The following YIPF2 variants were observed in gnomAD, a reference collection of about 807,000 sequenced individuals.
YIPF2 encodes Yip1 domain family member 2.
YIPF2 carries 30 observed loss-of-function variants against 38.8 expected under a neutral mutation model. The observed-to-expected ratio is 0.77, with a 90% CI of 0.58 to 1.05. YIPF2 has a LOEUF of 1.05. YIPF2 is among the 50% of genes least tolerant of loss of function. The pLI is 0.00. For missense variants in YIPF2, 401 were observed against 409.7 expected, an observed-to-expected ratio of 0.98 and a Z score of 0.18; for synonymous variants, 194 against 183.8, an observed-to-expected ratio of 1.06 and a Z score of -0.45.
At chr19:10,925,648 G>C (rs1789101900) in intron 5 of YIPF2, 38 bp downstream of exon 5, 1 of 1,611,848 alleles carries the variant, frequency 6.2e-7, no homozygotes, top group Non-Finnish European at 8.5e-7. Flanking sequence ...CACTTGTTGA[G>C]TGATCCATCA....
At chr19:10,927,985 C>A in intron 2 of YIPF2, 26 bp from the exon 3 acceptor site, 1 of 1,586,524 alleles carries the variant, frequency 6.3e-7, no homozygotes, top group Non-Finnish European at 8.6e-7. Context: ...ATGGGACACA[C>A]GCACGTTTGA....
chr19:10,925,677 C>G lies in YIPF2; in HGVS notation c.367+9G>C, dbSNP rs760309210. 3.5e-5 allele frequency: 57 copies of G among 1,613,964 alleles called. No individual in the cohort carries two copies. The highest frequency in any genetic ancestry group is 4.7e-5 in the Non-Finnish European group (56 of 1,179,952). On this transcript the variant is annotated intron_variant, in intron 5 of 9. Coordinates refer to ENST00000586748, the MANE Select transcript of YIPF2 (RefSeq NM_001321439.2). ...TCCATCAAGGAACCAAATGCACAACCTCACTCACCATACAGATCCGGCCGA... is the reference window on the plus strand; with the variant it reads ...TCCATCAAGGAACCAAATGCACAACGTCACTCACCATACAGATCCGGCCGA...
chr19:10,924,241 C>G, intron 5 of YIPF2, 49 bp from the exon 6 acceptor site: 1 of 1,529,764 alleles, frequency 6.5e-7, no homozygotes, highest in East Asian at 2.3e-5. Context: ...ACTCCCAGGA[C>G]AAGCAGACAT....
chr19:10,923,472 C>G lies in YIPF2; in HGVS notation c.834+23G>C, dbSNP rs534448319. ...TGCCCCCCTAGCCCCTCGGCCCCAC[C>G]TGTGGCCACCCCAGACCCGTACCTT... On this transcript the variant is annotated intron_variant, in intron 8 of 9. Coordinates refer to ENST00000586748, the MANE Select transcript of YIPF2 (RefSeq NM_001321439.2). 5.1e-5 allele frequency: 83 copies of G among 1,612,928 alleles called. 1 individual carries two copies. In the South Asian group the frequency reaches 8.7e-4, roughly 17 times the overall value.
At chr19:10,927,393 C>T (rs747985752) in intron 4 of YIPF2, among the ~76,000 whole-genome samples, 33 of 152,190 alleles carry the variant, frequency 2.2e-4, no homozygotes, top group Non-Finnish European at 4.7e-4. Context: ...CCTTCTGTCT[C>T]CTTTAGGTCT....
At chr19:10,926,283 G>A (rs569609204) in intron 4 of YIPF2, among the ~76,000 whole-genome samples, 17 of 151,010 alleles carry the variant, frequency 1.1e-4, no homozygotes, top group African/African-American at 3.9e-4. Flanking sequence ...CTGGAGTGCA[G>A]TGGTGCCATC....
In YIPF2 at chr19:10,924,076, C is replaced by G; in HGVS notation, c.484G>C (p.Val162Leu). Residue 162 changes from valine (V) to leucine (L), a missense_variant and splice_region_variant, in exon 6 of 10, where the codon GTG becomes CTG. Physicochemically the swap from Val to Leu is conservative, Grantham distance 32. Transcript: ENST00000586748. ...GCATTGGGCCTGCCCGTCTGCTTAC[C>G]CTTGTGGAACTGGGGGCTGTAGTGG... ...SIHYSPQFHK[V>L]TVAGISIYCY... The G allele has an allele frequency of 1.2e-6, 2 of 1,613,816 alleles. No homozygotes were observed. The highest frequency in any genetic ancestry group is 1.7e-6 in the Non-Finnish European group (2 of 1,179,884).
Position 10,923,043 on chromosome 19 carries a change from A to T in YIPF2, c.*151T>A. The T allele has an allele frequency of 2.2e-6, 1 of 448,640 alleles. No homozygotes were observed. The highest frequency in any genetic ancestry group is 3.4e-5 in the South Asian group (1 of 29,662). The allele number at this position is 448,640 out of a possible 1,614,324, so 27.8% of individuals were successfully genotyped here. On this transcript the variant is annotated 3_prime_UTR_variant, in exon 10 of 10. Transcript: ENST00000586748. ...TATAAATTCTCTGAATCACCTTTGC[A>T]TAGAAAATAAAAGTGTTTGCTTTGT...
chr19:10,925,496 C>T (rs1451426973), intron 5 of YIPF2, among the ~76,000 whole-genome samples, 190 bp downstream of exon 5: 1 of 152,108 alleles, frequency 6.6e-6, no homozygotes. Flanking sequence ...TGCAGGGCCA[C>T]TCCTCCTGTC....
Position 10,925,791 on chromosome 19 carries a change from G to T in YIPF2, c.280-18C>A, listed in dbSNP as rs776036066. 25 of 1,612,230 alleles carry T rather than the reference G, an allele frequency of 1.6e-5. No homozygotes were observed. In the Admixed American group the frequency reaches 4.2e-4, roughly 27 times the overall value. On this transcript the variant is annotated intron_variant, in intron 4 of 9. Coordinates refer to ENST00000586748, the MANE Select transcript of YIPF2 (RefSeq NM_001321439.2). ...TCCAGGACCTGGGGGCAAGGCCAAGGTCAAGGATGGAAGTCTGCCAGGAGC... is the reference window on the plus strand; with the variant it reads ...TCCAGGACCTGGGGGCAAGGCCAAGTTCAAGGATGGAAGTCTGCCAGGAGC...
chr19:10,924,991 G>A (rs1227333450), intron 5 of YIPF2, among the ~76,000 whole-genome samples: 1 of 152,092 alleles, frequency 6.6e-6, no homozygotes, highest in African/African-American at 2.4e-5. Flanking sequence ...CCAGCACTTA[G>A]GAGGCCGAGG....
In YIPF2 at chr19:10,923,837, A is replaced by G. The variant is rs200494831; in HGVS notation, c.647T>C (p.Met216Thr). 2.5e-6 allele frequency: 4 copies of G among 1,612,606 alleles called. No homozygotes were observed. The South Asian group carries it at 3.3e-5, about 13-fold the overall frequency. Residue 216 changes from methionine to threonine, a missense_variant, in exon 7 of 10, where the codon ATG (methionine) becomes ACG (threonine). Met to Thr is a moderately conservative substitution (Grantham distance 81). Coordinates refer to ENST00000586748, the MANE Select transcript of YIPF2 (RefSeq NM_001321439.2). ...TCCGCGCCAGGCCACACTCACCACC[A>G]TGGGGATGAAGACAAAGAGGGAGTA... ...YGYSLFVFIP[M>T]VVLWLIPVPW...
intron 2 of YIPF2, 124 bp from the exon 3 acceptor site, chr19:10,928,083 TG>T: frequency 1.4e-6 from 2 of 1,386,796 alleles, no homozygotes; most frequent in Non-Finnish European, 2.0e-6. Context: ...TCCCCCAAGG[TG>T]GGGCCCAACT....
At position 10,924,004 on chromosome 19, in the gene YIPF2, G is replaced by GC. The variant is rs557970516; in HGVS notation, c.485-6_485-5insG. On this transcript the variant is annotated splice_polypyrimidine_tract_variant and splice_region_variant and intron_variant, in intron 6 of 9. Coordinates refer to ENST00000586748, the MANE Select transcript of YIPF2 (RefSeq NM_001321439.2). The stretch of plus-strand genomic sequence containing the variant: ...TGCTGATGCCTGCCACGGTCACTGG[G>GC]GGGGGCAAGGTGAGCAGTCACCCCC... 1.2e-6 allele frequency: 2 copies of GC among 1,610,772 alleles called. No individual in the cohort carries two copies. Among genetic ancestry groups the GC allele is most frequent in the African/African-American group, 2.7e-5 (2 of 75,036 alleles).
Position 10,923,491 on chromosome 19 carries a change from G to C in YIPF2, c.834+4C>G. ...CCCCACCTGTGGCCACCCCAGACCC[G>C]TACCTTACAGCCCATGGCCAGGAGG... On this transcript the variant is annotated splice_donor_region_variant and intron_variant, in intron 8 of 9. Coordinates refer to ENST00000586748, the MANE Select transcript of YIPF2 (RefSeq NM_001321439.2). 6.2e-7 allele frequency: 1 copy of C among 1,612,798 alleles called. No homozygotes were observed. Among genetic ancestry groups the C allele is most frequent in the Non-Finnish European group, 8.5e-7 (1 of 1,179,696 alleles).
At chr19:10,925,903 C>CTA in intron 4 of YIPF2, 130 bp from the exon 5 acceptor site, 6 of 635,728 alleles carry the variant, frequency 9.4e-6, no homozygotes, top group East Asian at 3.1e-5. Flanking sequence ...GCCTTTCCCT[C>CTA]TCTTTTTTTT....
rs1455256189 is a variant in YIPF2 at position 10,923,541 on chromosome 19, A to T, written c.788T>A (p.Leu263Gln). 6.2e-7 allele frequency: 1 copy of T among 1,612,702 alleles called. No homozygotes were observed. Residue 263 changes from leucine (L) to glutamine (Q), a missense_variant, in exon 8 of 10, where the codon CTG becomes CAG. Transcript: ENST00000586748. Reference protein sequence around the residue: ...EDTRLVATVLLSVVVLLHALL... With the variant: ...EDTRLVATVLQSVVVLLHALL... ...GGCGTGGAGCAGCACGACCACGGAC[A>T]GCAGCACTGTGGCCACCAGCCTGGT...
Position 10,927,973 on chromosome 19 carries a change from A to T in YIPF2, c.32-14T>A. 1 of 1,592,240 alleles carries T rather than the reference A, an allele frequency of 6.3e-7. No individual in the cohort carries two copies. The highest frequency in any genetic ancestry group is 8.6e-7 in the Non-Finnish European group (1 of 1,162,428). On this transcript the variant is annotated splice_polypyrimidine_tract_variant and intron_variant, in intron 2 of 9. Coordinates refer to ENST00000586748, the MANE Select transcript of YIPF2 (RefSeq NM_001321439.2). ...CCTCCTCGAATTCTGTGGAGGAGGT[A>T]TATGGGACACACGCACGTTTGAGGG... is the stretch of plus-strand genomic sequence containing the variant.
chr19:10,928,623 G>C lies in YIPF2; in HGVS notation c.-143C>G. 2 of 850,988 alleles carry C rather than the reference G, an allele frequency of 2.4e-6. No individual in the cohort carries two copies. Among genetic ancestry groups the C allele is most frequent in the East Asian group, 6.6e-5 (2 of 30,304 alleles). 52.7% of individuals were successfully genotyped at this position (850,988 alleles called of 1,614,324 possible). A position where few individuals can be genotyped will look rare whatever the true frequency, so the allele number is the denominator to read the frequency against. On this transcript the variant is annotated 5_prime_UTR_variant, in exon 1 of 10. Transcript: ENST00000586748. ...GGCCGGCGTGGCTGGGGCTCTCTGC[G>C]CCTGCGCGTCTCGCCTACCCGTCAG... is the stretch of plus-strand genomic sequence containing the variant.
Sources: allele counts gnomAD v4.1 joint callset (sites outside exome capture counted in the v4.1 genomes callset), GRCh38; gene constraint gnomAD v4.1.1; transcripts MANE v1.5; gene names NCBI Gene and HGNC (gene_info 2026-07-23, HGNC 2026-07-21).